The following KIFAP3 variants were observed in gnomAD, a reference collection of about 807,000 sequenced individuals.
KIFAP3 encodes kinesin-associated protein 3.
Under a neutral mutation model 106.5 loss-of-function variants are expected in KIFAP3, and 68 were observed. The ratio of observed to expected loss-of-function variants is 0.64; its 90% CI spans 0.53 to 0.78. KIFAP3 has a LOEUF of 0.78. Ranked by LOEUF, KIFAP3 falls within the 30% of genes least tolerant of loss-of-function variation. The pLI is 0.00. For synonymous variants in KIFAP3, 320 were observed against 311.5 expected, an observed-to-expected ratio of 1.03 and a Z score of -0.29; for missense variants, 780 against 941.8, an observed-to-expected ratio of 0.83 and a Z score of 2.25.
chr1:169,995,399 A>G (rs1185308699), intron 10 of KIFAP3, among the ~76,000 whole-genome samples: 1 of 152,054 alleles, frequency 6.6e-6, no homozygotes, highest in Non-Finnish European at 1.5e-5. Context: ...ATTCTGAAGG[A>G]AAGTTTCTCT....
At chr1:170,024,740 T>C in intron 8 of KIFAP3, 144 bp from the exon 9 acceptor site, 1 of 467,566 alleles carries the variant, frequency 2.1e-6, no homozygotes, top group Non-Finnish European at 3.7e-6. Context: ...TAATAATTGG[T>C]TAATTAAAAA....
chr1:169,978,004 G>GT, intron 16 of KIFAP3, 81 bp downstream of exon 16: 2 of 575,094 alleles, frequency 3.5e-6, no homozygotes, highest in South Asian at 3.7e-5. Context: ...TTCAACATTT[G>GT]CAAAAAAAAA....
intron 10 of KIFAP3, among the ~76,000 whole-genome samples, chr1:169,995,019 C>T (rs1057087953): frequency 2.0e-5 from 3 of 151,954 alleles, no homozygotes; most frequent in Admixed American, 6.6e-5. Flanking sequence ...ATTGTGAAAT[C>T]GCTCCAAGTA....
intron 1 of KIFAP3, among the ~76,000 whole-genome samples, chr1:170,065,890 T>C (rs1366210411): frequency 6.6e-6 from 1 of 152,156 alleles, no homozygotes; most frequent in Non-Finnish European, 1.5e-5. Context: ...TATTGGACAT[T>C]ATTGTTTTGG....
At chr1:170,074,890 G>C (rs1041628026), upstream of KIFAP3, 6 of 324,520 alleles carry the variant, frequency 1.8e-5, no homozygotes, top group Non-Finnish European at 2.7e-5. Context: ...AGGGCTGTCA[G>C]GTCAGCTTGA....
chr1:169,958,809 T>G (rs1665168595), intron 18 of KIFAP3, among the ~76,000 whole-genome samples: 1 of 152,200 alleles, frequency 6.6e-6, no homozygotes, highest in African/African-American at 2.4e-5. Flanking sequence ...AGCTTCATTT[T>G]CATAATAGCA....
chr1:170,032,062 T>A (rs1455178873), intron 7 of KIFAP3, 78 bp from the exon 8 acceptor site: 4 of 752,050 alleles, frequency 5.3e-6, no homozygotes, highest in Non-Finnish European at 9.1e-6. Flanking sequence ...ACAATGGCAC[T>A]ATTAAATTTT....
intron 17 of KIFAP3, among the ~76,000 whole-genome samples, chr1:169,968,208 G>A (rs1011408808): frequency 6.6e-6 from 1 of 151,810 alleles, no homozygotes; most frequent in African/African-American, 2.4e-5. Flanking sequence ...AAAGACTGAT[G>A]GTTTGATTTT....
intron 19 of KIFAP3, among the ~76,000 whole-genome samples, chr1:169,929,519 G>T (rs1406377981): frequency 6.6e-6 from 1 of 151,920 alleles, no homozygotes; most frequent in Non-Finnish European, 1.5e-5. Flanking sequence ...TTGCTCAAAG[G>T]TATTACTCAT....
At chr1:170,083,459 G>A (rs1672051241) in intron 1 of KIFAP3, among the ~76,000 whole-genome samples, 1 of 152,170 alleles carries the variant, frequency 6.6e-6, no homozygotes, top group Non-Finnish European at 1.5e-5. Flanking sequence ...CTTGGTTAGT[G>A]TGCCTGTTCT....
chr1:170,076,996 G>A (rs1671931408), upstream of KIFAP3, among the ~76,000 whole-genome samples: 1 of 152,164 alleles, frequency 6.6e-6, no homozygotes, highest in Admixed American at 6.5e-5. Context: ...CTAGCTAGAG[G>A]GTTGTAAATG....
chr1:169,954,455 G>T (rs1403036862), intron 18 of KIFAP3, among the ~76,000 whole-genome samples: 1 of 152,222 alleles, frequency 6.6e-6, no homozygotes, highest in Non-Finnish European at 1.5e-5. Context: ...AGACAGTAAG[G>T]ATGGTTCAGG....
chr1:170,024,254 T>G (rs1439532036), intron 9 of KIFAP3, 164 bp downstream of exon 9: 1 of 470,260 alleles, frequency 2.1e-6, no homozygotes, highest in Admixed American at 4.0e-5. Flanking sequence ...TTAACTAATA[T>G]GGAATACATT....
chr1:169,979,396 T>A (rs576747702), intron 15 of KIFAP3, among the ~76,000 whole-genome samples: 1 of 152,132 alleles, frequency 6.6e-6, no homozygotes, highest in Non-Finnish European at 1.5e-5. Context: ...TGGGGCATTA[T>A]CTCTAGATGA....
rs201230876 is a variant in KIFAP3, at chr1:169,953,523, A to AT, written c.2273+487dup. On this transcript the variant is annotated intron_variant, in intron 19 of 19. Transcript: ENST00000361580. ...ATTTTGTTTTAGATCTGTGATCCCC[A>AT]TTTTTTTTTTGAGACGAGTCTCGCT... Among the ~76,000 whole-genome samples the AT allele has an allele frequency of 8.6e-3, 1,285 of 149,192 alleles. 38 individuals carry two copies. The East Asian group carries it at 0.099, about 12-fold the overall frequency.
In KIFAP3 at chr1:170,024,491, T is replaced by C. The variant is rs138754863; in HGVS notation, c.947A>G (p.Asn316Ser). The change falls in exon 9 of 20, where the codon AAT becomes AGT. Residue 316 changes from asparagine (N) to serine (S), a missense_variant. Physicochemically the swap from Asn to Ser is conservative, Grantham distance 46 (BLOSUM62 1). Transcript: ENST00000361580. ...CACAACTAAAATTAGCAGCTCAAAA[T>C]TGTCCCGATCAAGGGCTTTCACCAA... ...HMLVKALDRD[N>S]FELLILVVSF... 2.7e-5 allele frequency: 44 copies of C among 1,607,470 alleles called. No individual in the cohort carries two copies. Among genetic ancestry groups the C allele is most frequent in the Middle Eastern group, 1.7e-4 (1 of 6,038 alleles).
intron 10 of KIFAP3, among the ~76,000 whole-genome samples, chr1:169,995,404 T>G (rs2101943195): frequency 6.6e-6 from 1 of 152,226 alleles, no homozygotes; most frequent in Non-Finnish European, 1.5e-5. Context: ...GAAGGAAAGT[T>G]TCTCTTTCCC....
chr1:170,079,452 T>C (rs1671979819), upstream of KIFAP3, among the ~76,000 whole-genome samples: 1 of 152,114 alleles, frequency 6.6e-6, no homozygotes, highest in Non-Finnish European at 1.5e-5. Context: ...ATTAACAATA[T>C]AAAGGTAAAA....
intron 18 of KIFAP3, among the ~76,000 whole-genome samples, chr1:169,960,240 C>T (rs761351371): frequency 6.6e-6 from 1 of 151,952 alleles, no homozygotes; most frequent in Non-Finnish European, 1.5e-5. Context: ...ATAGTAGAAA[C>T]ACATAGTAGA....
Sources: gnomAD v4.1 joint callset for allele counts (sites outside exome capture counted in the v4.1 genomes callset) on GRCh38, gnomAD v4.1.1 for gene constraint, MANE v1.5 for transcripts, NCBI Gene and HGNC (gene_info 2026-07-23, HGNC 2026-07-21) for gene names.